EPN2: variants seen among roughly 807,000 people sequenced by gnomAD.
EPN2 encodes epsin-2.
EPN2 carries 34 observed loss-of-function variants against 61.7 expected under a neutral mutation model. That is an observed-to-expected ratio of 0.55 (90% CI 0.42 to 0.73). EPN2 has a LOEUF of 0.73. Among genes scored for constraint, EPN2 ranks in the 30% least tolerant of loss-of-function variants. The pLI is 0.00. For synonymous variants in EPN2, 349 were observed against 353.6 expected (o/e 0.99, Z 0.15); for missense variants, 714 against 839.2 (o/e 0.85, Z 1.84).
intron 1 of EPN2, among the ~76,000 whole-genome samples, chr17:19,242,968 T>C (rs753920938): frequency 6.6e-6 from 1 of 152,222 alleles, no homozygotes; most frequent in Non-Finnish European, 1.5e-5. Context: ...TCAAAGGCCA[T>C]GTGGCAGATA....
chr17:19,247,242 A>G (rs1285512168), intron 1 of EPN2, among the ~76,000 whole-genome samples: 1 of 152,240 alleles, frequency 6.6e-6, no homozygotes, highest in Non-Finnish European at 1.5e-5. Context: ...GACTGAGGCC[A>G]GTGTCAACCT....
At chr17:19,251,117 A>C (rs536854744) in intron 1 of EPN2, among the ~76,000 whole-genome samples, 3 of 152,256 alleles carry the variant, frequency 2.0e-5, no homozygotes, top group African/African-American at 7.2e-5. Flanking sequence ...AAGTCTTTAT[A>C]GTGTACCTTT....
intron 1 of EPN2, among the ~76,000 whole-genome samples, chr17:19,247,122 T>C (rs73982648): frequency 0.01 from 1,595 of 152,288 alleles, 23 homozygotes; most frequent in African/African-American, 0.035. Flanking sequence ...ATGACTATAC[T>C]ATGGATGACA....
Position 19,313,987 on chromosome 17 carries a change from G to A in EPN2, c.1147+708G>A, listed in dbSNP as rs549867827. Among the ~76,000 whole-genome samples, 11 of 152,298 alleles carry A rather than the reference G, an allele frequency of 7.2e-5. No individual in the cohort carries two copies. The South Asian group carries it at 1.0e-3, about 14-fold the overall frequency. On this transcript the variant is annotated intron_variant, in intron 7 of 10. Transcript: ENST00000314728. ...CCTGGTGTGCTAAACCCTACTGGGC[G>A]TGGCTGACCTGTGGGCTGTTTGGGA...
At chr17:19,264,806 C>T (rs2045179191) in intron 1 of EPN2, among the ~76,000 whole-genome samples, 1 of 152,086 alleles carries the variant, frequency 6.6e-6, no homozygotes, top group Admixed American at 6.5e-5. Context: ...GTGCCAGGCA[C>T]TGTGCCAGGC....
chr17:19,256,289 C>T (rs2152205462), intron 1 of EPN2, among the ~76,000 whole-genome samples: 1 of 151,812 alleles, frequency 6.6e-6, no homozygotes, highest in East Asian at 1.9e-4. Flanking sequence ...AAAAATGTTT[C>T]CAAAATTCTC....
intron 4 of EPN2, chr17:19,307,861 T>C: frequency 3.1e-6 from 3 of 977,196 alleles, no homozygotes; most frequent in Non-Finnish European, 3.6e-6. Flanking sequence ...TCTTCCCCTG[T>C]TTTATTCACC....
At chr17:19,327,853 G>A (rs531590231) in intron 7 of EPN2, among the ~76,000 whole-genome samples, 5 of 152,292 alleles carry the variant, frequency 3.3e-5, no homozygotes, top group East Asian at 3.9e-4. Flanking sequence ...TGTCATTGGG[G>A]AGGCACTTTC....
intron 7 of EPN2, among the ~76,000 whole-genome samples, chr17:19,326,416 G>A (rs1322395536): frequency 6.6e-6 from 1 of 152,156 alleles, no homozygotes; most frequent in Non-Finnish European, 1.5e-5. Context: ...GCCAGGCGTG[G>A]TGGCTCACGC....
intron 4 of EPN2, among the ~76,000 whole-genome samples, chr17:19,301,637 G>C (rs887851862): frequency 1.3e-5 from 2 of 152,152 alleles, no homozygotes; most frequent in Admixed American, 1.3e-4. Flanking sequence ...CTTTGGTCAT[G>C]TGCCCTTGGG....
At chr17:19,251,633 C>G (rs535030647) in intron 1 of EPN2, among the ~76,000 whole-genome samples, 1 of 152,188 alleles carries the variant, frequency 6.6e-6, no homozygotes, top group South Asian at 2.1e-4. Context: ...AGGGTTTCAC[C>G]ATATTGGCCA....
intron 4 of EPN2, chr17:19,297,434 A>G (rs1015784612): frequency 4.6e-5 from 7 of 152,194 alleles, no homozygotes; most frequent in African/African-American, 1.7e-4. Flanking sequence ...TTCAAAACAT[A>G]TTTTCCAAAA....
chr17:19,275,756 G>C (rs1352213774), intron 1 of EPN2, among the ~76,000 whole-genome samples: 2 of 152,224 alleles, frequency 1.3e-5, no homozygotes, highest in Non-Finnish European at 2.9e-5. Context: ...CAATGATTCA[G>C]TTTTCAGAAT....
chr17:19,292,151 G>A (rs2045471588), intron 4 of EPN2, among the ~76,000 whole-genome samples: 1 of 152,260 alleles, frequency 6.6e-6, no homozygotes, highest in Admixed American at 6.5e-5. Flanking sequence ...GACCTTGGAA[G>A]GATCCTGGGC....
intron 4 of EPN2, among the ~76,000 whole-genome samples, chr17:19,296,328 T>A (rs1349108162): frequency 6.6e-6 from 1 of 151,992 alleles, no homozygotes; most frequent in Non-Finnish European, 1.5e-5. Context: ...TTTTTGTATT[T>A]TTAGTAGAGA....
chr17:19,304,547 A>T (rs1405908275), intron 4 of EPN2, among the ~76,000 whole-genome samples: 6 of 152,232 alleles, frequency 3.9e-5, no homozygotes, highest in African/African-American at 1.4e-4. Context: ...TGTCTGAAGG[A>T]GCTTAGCCCT....
At chr17:19,279,555 C>T (rs2045340486) in intron 1 of EPN2, among the ~76,000 whole-genome samples, 2 of 151,658 alleles carry the variant, frequency 1.3e-5, no homozygotes, top group Admixed American at 1.3e-4. Context: ...TCTCCCACCT[C>T]AGCCTCCCAA....
chr17:19,291,053 CTAGAA>C (rs1299252550), intron 4 of EPN2, among the ~76,000 whole-genome samples: 7 of 152,216 alleles, frequency 4.6e-5, no homozygotes, highest in African/African-American at 1.7e-4. Flanking sequence ...CAAGTGATTA[CTAGAA>C]AGGATTTGAG....
In EPN2 at chr17:19,305,022, G is replaced by A. The variant is rs139148892; in HGVS notation, c.767-4863G>A. Among the ~76,000 whole-genome samples the A allele has an allele frequency of 2.6e-5, 4 of 152,280 alleles. No homozygotes were observed. The East Asian group carries it at 5.8e-4, about 22-fold the overall frequency. On this transcript the variant is annotated intron_variant, in intron 4 of 10. Transcript: ENST00000314728. ...CTGCCTTCTCCACAGGGTCTGTGAC[G>A]CTCACGTACCAGTGCAGTCATGCTG...
Sources: gnomAD v4.1 joint callset for allele counts (sites outside exome capture counted in the v4.1 genomes callset) on GRCh38, gnomAD v4.1.1 for gene constraint, MANE v1.5 for transcripts, NCBI Gene and HGNC (gene_info 2026-07-23, HGNC 2026-07-21) for gene names.